The following UBR4 variants were observed in gnomAD, a reference collection of about 807,000 sequenced individuals.
The protein encoded by UBR4 is E3 ubiquitin-protein ligase UBR4.
UBR4 carries 124 observed loss-of-function variants against 575.6 expected under a neutral mutation model. The observed-to-expected ratio is 0.22, with a 90% CI of 0.19 to 0.25. UBR4 has a LOEUF of 0.25. UBR4 is among the 10% of genes least tolerant of loss of function. UBR4 has a pLI of 1.00. For missense variants in UBR4, 4,818 were observed against 6,478.8 expected (o/e 0.74, Z 8.80); for synonymous variants, 2,455 against 2,473.7 (o/e 0.99, Z 0.22).
chr1:19,110,766 C>T lies in UBR4; in HGVS notation c.11868G>A (p.Lys3956=), dbSNP rs1360930979. The T allele has an allele frequency of 6.2e-7, 1 of 1,614,196 alleles. No individual in the cohort carries two copies. Among genetic ancestry groups the T allele is most frequent in the South Asian group, 1.1e-5 (1 of 91,084 alleles). ...LIIGKVSTAL[K]GHWANPDLAS... is the part of the protein sequence containing the mutation. ...CCAGATCGGGGTTGGCCCAGTGGCC[C>T]TTCAGGGCTGTGGAGACCTTGCCAA... Residue 3956 remains lysine, a synonymous_variant, in exon 79 of 106, where the codon AAG becomes AAA. Transcript: ENST00000375254. The surrounding 1 kb of genome is among the most constrained non-coding windows in gnomAD (Gnocchi z 4.5).
chr1:19,110,539 T>C lies in UBR4; in HGVS notation c.11893-75A>G. The C allele has an allele frequency of 2.0e-6, 3 of 1,509,452 alleles. No individual in the cohort carries two copies. Among genetic ancestry groups the C allele is most frequent in the Non-Finnish European group, 2.7e-6 (3 of 1,094,340 alleles). 93.5% of individuals were successfully genotyped at this position (1,509,452 alleles called of 1,614,324 possible). A position where few individuals can be genotyped will look rare whatever the true frequency, so the allele number is the denominator to read the frequency against. On this transcript the variant is annotated intron_variant, in intron 79 of 105. Coordinates refer to ENST00000375254, the MANE Select transcript of UBR4 (RefSeq NM_020765.3). This position sits in a 1 kb window ranked among gnomAD's most constrained non-coding sequence, Gnocchi z 4.5. The stretch of plus-strand genomic sequence containing the variant: ...AGCGACTCTTAACTATTAATACAAT[T>C]TCTGGTCCTAGGTGGCTCCAACAGA...
chr1:19,114,482 T>C (rs546928817), intron 75 of UBR4, among the ~76,000 whole-genome samples: 1 of 152,156 alleles, frequency 6.6e-6, no homozygotes, highest in East Asian at 1.9e-4. Flanking sequence ...CACTGGACAA[T>C]CTAATACTGA....
At chr1:19,091,180 G>T (rs756681112) in intron 97 of UBR4, among the ~76,000 whole-genome samples, 1 of 151,916 alleles carries the variant, frequency 6.6e-6, no homozygotes, top group African/African-American at 2.4e-5. Flanking sequence ...AATCACAACC[G>T]TGTTCCTTGA....
At chr1:19,124,464 G>C in intron 65 of UBR4, 77 bp downstream of exon 65, 2 of 1,560,614 alleles carry the variant, frequency 1.3e-6, no homozygotes, top group Non-Finnish European at 1.7e-6. Flanking sequence ...GTAAGGATGA[G>C]GAAGAAAGGG....
At position 19,110,324 on chromosome 1, in the gene UBR4, G is replaced by C. The variant is rs1022757348; in HGVS notation, c.11977+56C>G. 5.0e-6 allele frequency: 8 copies of C among 1,612,888 alleles called. No homozygotes were observed. The highest frequency in any genetic ancestry group is 3.4e-6 in the Non-Finnish European group (4 of 1,179,168). On this transcript the variant is annotated intron_variant, in intron 80 of 105. Transcript: ENST00000375254. The surrounding 1 kb of genome is among the most constrained non-coding windows in gnomAD (Gnocchi z 4.5). Reference sequence around the variant, plus strand: ...AGTTTCCCTCCTCCCCTCCCAGTCCGGCCAGGACTGCTCCTTTGAGCCTCC... The same window carrying C: ...AGTTTCCCTCCTCCCCTCCCAGTCCCGCCAGGACTGCTCCTTTGAGCCTCC...
At chr1:19,195,002 T>C (rs999246831) in intron 8 of UBR4, among the ~76,000 whole-genome samples, 1 of 151,730 alleles carries the variant, frequency 6.6e-6, no homozygotes, top group African/African-American at 2.4e-5. Context: ...GGCTCACGCT[T>C]GTAATCCCAG....
chr1:19,154,088 T>C, intron 44 of UBR4, 149 bp from the exon 45 acceptor site: 1 of 891,060 alleles, frequency 1.1e-6, no homozygotes. Flanking sequence ...TTAGTTTTAT[T>C]CCAAGCCATG....
At chr1:19,194,801 C>CA (rs201016018) in intron 8 of UBR4, among the ~76,000 whole-genome samples, 2,987 of 151,762 alleles carry the variant, frequency 0.02, 41 homozygotes, top group South Asian at 0.056. Context: ...AATGCCATCT[C>CA]AAAAAAATTA....
intron 20 of UBR4, among the ~76,000 whole-genome samples, chr1:19,175,635 A>G (rs1357550688): frequency 6.6e-6 from 1 of 152,194 alleles, no homozygotes; most frequent in Non-Finnish European, 1.5e-5. Context: ...TCAGACCAGC[A>G]TATCACCAAG....
Position 19,177,739 on chromosome 1 carries a change from A to T in UBR4, c.2359T>A (p.Leu787Met). The T allele has an allele frequency of 6.2e-7, 1 of 1,612,118 alleles. No homozygotes were observed. Among genetic ancestry groups the T allele is most frequent in the Non-Finnish European group, 8.5e-7 (1 of 1,179,026 alleles). The change falls in exon 19 of 106, where the codon TTG becomes ATG. Residue 787 changes from leucine (L) to methionine (M), a missense_variant. Around this residue, in one of 29 missense-constraint regions of UBR4, gnomAD observed 1,172 missense variants for 1,259.7 expected, o/e 0.93. Coordinates refer to ENST00000375254, the MANE Select transcript of UBR4 (RefSeq NM_020765.3). Reference protein sequence around the residue: ...PECLKVWDRFLSTMKQNALQG... With the variant: ...PECLKVWDRFMSTMKQNALQG... ...AGGGCATTCTGCTTCATTGTAGACA[A>T]AAACCTACCAGAGAGAAAAGATGAC...
chr1:19,197,035 A>G, intron 8 of UBR4, 106 bp downstream of exon 8: 1 of 1,373,436 alleles, frequency 7.3e-7, no homozygotes, highest in African/African-American at 1.5e-5. Flanking sequence ...CCTTGAGAGA[A>G]GGAAGCAAGG....
Position 19,164,785 on chromosome 1 carries a change from T to C in UBR4, c.4511+14A>G. 1 of 1,611,854 alleles carries C rather than the reference T, an allele frequency of 6.2e-7. No homozygotes were observed. Among genetic ancestry groups the C allele is most frequent in the Non-Finnish European group, 8.5e-7 (1 of 1,178,078 alleles). On this transcript the variant is annotated intron_variant, in intron 32 of 105. Transcript: ENST00000375254. ...GGTTGCTAGGGAAACACGACAGAAA[T>C]GTAGTTGTTCTACCTGTTTTCCCGA...
chr1:19,166,714 CAAAAAAAAAAAAAAAAAA>C lies in UBR4; in HGVS notation c.4109+290_4109+307del, dbSNP rs535369262. The stretch of plus-strand genomic sequence containing the variant: ...ACAACATGGCAAACTCCATCTCTAC[CAAAAAAAAAAAAAAAAAA>C]AAAAAAAAAAAAAAAAAAAAAAAAC... On this transcript the variant is annotated intron_variant, in intron 29 of 105. Coordinates refer to ENST00000375254, the MANE Select transcript of UBR4 (RefSeq NM_020765.3). Among the ~76,000 whole-genome samples the C allele has an allele frequency of 3.9e-4, 29 of 73,750 alleles. 1 individual carries two copies. Among genetic ancestry groups the C allele is most frequent in the South Asian group, 1.1e-3 (2 of 1,826 alleles). 48.4% of individuals were successfully genotyped at this position (73,750 alleles called of 152,430 possible).
intron 2 of UBR4, 70 bp downstream of exon 2, chr1:19,201,648 C>A: frequency 7.3e-7 from 1 of 1,373,338 alleles, no homozygotes; most frequent in South Asian, 1.2e-5. Flanking sequence ...TTCAGATACA[C>A]TAACGAGAGG....
intron 93 of UBR4, 67 bp from the exon 94 acceptor site, chr1:19,095,092 G>T (rs1458377543): frequency 4.3e-6 from 7 of 1,610,244 alleles, no homozygotes; most frequent in Non-Finnish European, 5.9e-6. Context: ...GAGGACAATT[G>T]CTCTCAAGGA....
chr1:19,175,031 C>T lies in UBR4; in HGVS notation c.2776G>A (p.Ala926Thr), dbSNP rs143514636. ...ENWSKHFSSDAVPHPRFYCVL... is the reference protein window; with the variant it reads ...ENWSKHFSSDTVPHPRFYCVL... ...CAGTAGAATCTGGGGTGTGGGACAG[C>T]ATCTGAAAAGTAATATGCTGATTAA... Residue 926 changes from alanine to threonine, a missense_variant and splice_region_variant, in exon 21 of 106, where the codon GCT (alanine) becomes ACT (threonine). Transcript: ENST00000375254. 7.4e-6 allele frequency: 12 copies of T among 1,613,250 alleles called. No individual in the cohort carries two copies. In the African/African-American group the frequency reaches 1.5e-4, roughly 20 times the overall value.
At position 19,100,294 on chromosome 1, in the gene UBR4, T is replaced by C. The variant is rs2078495481; in HGVS notation, c.13221+82A>G. 1 of 1,513,216 alleles carries C rather than the reference T, an allele frequency of 6.6e-7. No homozygotes were observed. The highest frequency in any genetic ancestry group is 9.1e-7 in the Non-Finnish European group (1 of 1,097,434). The allele number at this position is 1,513,216 out of a possible 1,614,324, so 93.7% of individuals were successfully genotyped here. A position where few individuals can be genotyped will look rare whatever the true frequency, so the allele number is the denominator to read the frequency against. On this transcript the variant is annotated intron_variant, in intron 89 of 105. Coordinates refer to ENST00000375254, the MANE Select transcript of UBR4 (RefSeq NM_020765.3). This position sits in a 1 kb window ranked among gnomAD's most constrained non-coding sequence, Gnocchi z 4.2. The stretch of plus-strand genomic sequence containing the variant: ...CACCTGCCCCAAGTTAATCAGCTAC[T>C]AGGAAGAAGCACCTGGATTTGGTTA...
At position 19,157,446 on chromosome 1, in the gene UBR4, G is replaced by A. The variant is rs2086602220; in HGVS notation, c.5760+369C>T. Reference sequence around the variant, plus strand: ...ACGGCAGCACTACATAAGCAACACTGAGTGTTCCTATGAAAACTTTTGTCT... The same window carrying A: ...ACGGCAGCACTACATAAGCAACACTAAGTGTTCCTATGAAAACTTTTGTCT... On this transcript the variant is annotated intron_variant, in intron 40 of 105. Transcript: ENST00000375254. This position sits in a 1 kb window ranked among gnomAD's most constrained non-coding sequence, Gnocchi z 4.4. Among the ~76,000 whole-genome samples the A allele has an allele frequency of 6.6e-6, 1 of 152,326 alleles. No individual in the cohort carries two copies. Among genetic ancestry groups the A allele is most frequent in the South Asian group, 2.1e-4 (1 of 4,818 alleles).
chr1:19,197,570 T>C (rs2092536373), intron 7 of UBR4, 100 bp downstream of exon 7: 1 of 1,502,506 alleles, frequency 6.7e-7, no homozygotes, highest in South Asian at 1.3e-5. Context: ...GAGGTTACAG[T>C]GAACCGAGAC....
Sources: gnomAD v4.1 joint callset for allele counts (sites outside exome capture counted in the v4.1 genomes callset) on GRCh38, gnomAD v4.1.1 for gene constraint, gnomAD v4.1.1 regional missense constraint, Gnocchi (gnomAD v3.1) non-coding constraint, MANE v1.5 for transcripts, NCBI Gene and HGNC (gene_info 2026-07-23, HGNC 2026-07-21) for gene names.